Variants in ALDH1A2 observed in about 807,000 individuals in gnomAD.
ALDH1A2 encodes the protein retinal dehydrogenase 2.
In ALDH1A2, 27 loss-of-function variants were observed where a neutral mutation model predicts 60.3. The ratio of observed to expected loss-of-function variants is 0.45; its 90% CI spans 0.33 to 0.62. The LOEUF (loss-of-function observed/expected upper bound fraction) is 0.62, where lower values mean the gene tolerates loss of function less well. Ranked by LOEUF, ALDH1A2 falls within the 20% of genes least tolerant of loss-of-function variation. The pLI is 0.02. For synonymous variants in ALDH1A2, 289 were observed against 232.4 expected, an observed-to-expected ratio of 1.24 and a Z score of -2.21; for missense variants, 581 against 643.8, an observed-to-expected ratio of 0.90 and a Z score of 1.06.
chr15:58,014,005 G>A lies in ALDH1A2; in HGVS notation c.223-7C>T. On this transcript the variant is annotated splice_polypyrimidine_tract_variant and splice_region_variant and intron_variant, in intron 2 of 12. Transcript: ENST00000249750. Reference sequence around the variant, plus strand: ...CTGCTTTGTCTATATCTGCCTGTTAGAGAGGAAGAGGCACAACTGAAGAAA... The same window carrying A: ...CTGCTTTGTCTATATCTGCCTGTTAAAGAGGAAGAGGCACAACTGAAGAAA... 1 of 1,614,098 alleles carries A rather than the reference G, an allele frequency of 6.2e-7. No homozygotes were observed. Among genetic ancestry groups the A allele is most frequent in the Non-Finnish European group, 8.5e-7 (1 of 1,179,996 alleles).
At chr15:57,984,925 T>C (rs1437221140) in intron 7 of ALDH1A2, among the ~76,000 whole-genome samples, 1 of 152,196 alleles carries the variant, frequency 6.6e-6, no homozygotes, top group Non-Finnish European at 1.5e-5. Flanking sequence ...ATTACATTGA[T>C]TTTTTTACAT....
At chr15:57,987,349 C>T (rs1264505510) in intron 7 of ALDH1A2, among the ~76,000 whole-genome samples, 3 of 151,898 alleles carry the variant, frequency 2.0e-5, no homozygotes, top group East Asian at 1.9e-4. Context: ...ACAAAATACA[C>T]AAAAGTACAT....
At chr15:57,985,012 T>TTTTG (rs1396477146) in intron 7 of ALDH1A2, among the ~76,000 whole-genome samples, 2 of 152,196 alleles carry the variant, frequency 1.3e-5, no homozygotes, top group African/African-American at 2.4e-5. Flanking sequence ...TATTTCTGGA[T>TTTTG]TTTGTTTGCT....
chr15:57,986,127 G>GGACTT (rs1320340975), intron 7 of ALDH1A2, among the ~76,000 whole-genome samples: 1 of 152,144 alleles, frequency 6.6e-6, no homozygotes, highest in African/African-American at 2.4e-5. Context: ...AACCGACACT[G>GGACTT]GACTTGTTTT....
chr15:57,974,068 G>C (rs564199477), intron 7 of ALDH1A2, among the ~76,000 whole-genome samples: 8 of 152,190 alleles, frequency 5.3e-5, no homozygotes, highest in Non-Finnish European at 7.4e-5. Context: ...TTGTTATAAA[G>C]CTATAATAGT....
At chr15:57,976,111 T>C (rs1894246621) in intron 7 of ALDH1A2, among the ~76,000 whole-genome samples, 1 of 152,212 alleles carries the variant, frequency 6.6e-6, no homozygotes, top group African/African-American at 2.4e-5. Flanking sequence ...AGTTGGTCTT[T>C]GCACAACTAC....
At chr15:58,014,302 A>T in intron 1 of ALDH1A2, 21 bp from the exon 2 acceptor site, 1 of 1,582,558 alleles carries the variant, frequency 6.3e-7, no homozygotes. Context: ...AGATAACAGA[A>T]TGGGATCTGT....
chr15:58,060,463 C>CTTTTTTT (rs35187901), intron 1 of ALDH1A2, among the ~76,000 whole-genome samples: 116 of 87,480 alleles, frequency 1.3e-3, no homozygotes, highest in African/African-American at 2.1e-3. Flanking sequence ...CCACACATAT[C>CTTTTTTT]TTTTTTTTTT....
rs572727991 is a variant in ALDH1A2 at position 57,994,500 on chromosome 15, G to A, written c.555+578C>T. Among the ~76,000 whole-genome samples the A allele has an allele frequency of 2.4e-4, 37 of 152,256 alleles. 1 individual carries two copies. The highest frequency in any genetic ancestry group is 6.8e-3 in the Middle Eastern group (2 of 294). ...TATTGTACCAAGGGTGTGTATGAGA[G>A]ACAGACAGGAACAAAGGGACAATGT... On this transcript the variant is annotated intron_variant, in intron 5 of 12. Coordinates refer to ENST00000249750, the MANE Select transcript of ALDH1A2 (RefSeq NM_003888.4).
intron 1 of ALDH1A2, among the ~76,000 whole-genome samples, chr15:58,019,388 A>G (rs1327192116): frequency 6.6e-6 from 1 of 152,226 alleles, no homozygotes; most frequent in Non-Finnish European, 1.5e-5. Flanking sequence ...ATAAGAAACC[A>G]GAATATTTTG....
At chr15:58,060,463 C>CTTTTTTTTTTTTTTTTTTT (rs35187901) in intron 1 of ALDH1A2, among the ~76,000 whole-genome samples, 26 of 87,506 alleles carry the variant, frequency 3.0e-4, no homozygotes, top group East Asian at 3.9e-4. Flanking sequence ...CCACACATAT[C>CTTTTTTTTTTTTTTTTTTT]TTTTTTTTTT....
At chr15:57,961,933 T>G in intron 10 of ALDH1A2, 79 bp downstream of exon 10, 1 of 1,557,386 alleles carries the variant, frequency 6.4e-7, no homozygotes, top group Non-Finnish European at 8.9e-7. Context: ...GAGCTAAAAC[T>G]CTAATATCAT....
intron 1 of ALDH1A2, among the ~76,000 whole-genome samples, chr15:58,045,725 C>G (rs1465379286): frequency 6.6e-6 from 1 of 151,910 alleles, no homozygotes; most frequent in East Asian, 1.9e-4. Context: ...TGGGGAACAC[C>G]ACACACCCGG....
At chr15:57,962,740 G>A (rs2140451061) in intron 9 of ALDH1A2, among the ~76,000 whole-genome samples, 1 of 152,010 alleles carries the variant, frequency 6.6e-6, no homozygotes, top group African/African-American at 2.4e-5. Context: ...CCAAAAAACT[G>A]ACGGAGTTAT....
chr15:58,053,464 C>G (rs569140186), intron 1 of ALDH1A2, among the ~76,000 whole-genome samples: 20 of 152,252 alleles, frequency 1.3e-4, no homozygotes, highest in African/African-American at 4.1e-4. Context: ...AGGCCCTCAT[C>G]TCCGTAGCAA....
chr15:58,005,824 TC>T (rs1265297395), intron 4 of ALDH1A2, among the ~76,000 whole-genome samples: 5 of 151,962 alleles, frequency 3.3e-5, no homozygotes, highest in Admixed American at 3.3e-4. Flanking sequence ...GGCAGGGAGA[TC>T]CCCACCTCAA....
chr15:57,976,430 C>T (rs897272860), intron 7 of ALDH1A2, among the ~76,000 whole-genome samples: 2 of 152,254 alleles, frequency 1.3e-5, no homozygotes, highest in Middle Eastern at 3.4e-3. Context: ...TCCCCTAGCC[C>T]GACAGGCCCC....
intron 1 of ALDH1A2, among the ~76,000 whole-genome samples, chr15:58,025,311 G>T (rs940348919): frequency 1.3e-5 from 2 of 151,950 alleles, no homozygotes; most frequent in African/African-American, 4.8e-5. Context: ...AAAAGGAGAA[G>T]AATCAAACAA....
At chr15:58,064,168 ACTT>A (rs1278511480) in intron 1 of ALDH1A2, among the ~76,000 whole-genome samples, 1 of 152,034 alleles carries the variant, frequency 6.6e-6, no homozygotes. Context: ...ATAAAATAAA[ACTT>A]CTAAGCTGCA....
Sources: gnomAD v4.1 joint callset for allele counts (sites outside exome capture counted in the v4.1 genomes callset) on GRCh38, gnomAD v4.1.1 for gene constraint, MANE v1.5 for transcripts, NCBI Gene and HGNC (gene_info 2026-07-23, HGNC 2026-07-21) for gene names.